The following SORCS2 variants were observed in gnomAD, a reference collection of about 807,000 sequenced individuals.
SORCS2 encodes the protein sortilin related VPS10 domain containing receptor 2, also known as VPS10 domain-containing receptor SorCS2.
A neutral mutation model predicts 141.6 loss-of-function variants in SORCS2; 100 were observed. The ratio of observed to expected loss-of-function variants is 0.71; its 90% CI spans 0.60 to 0.83. The LOEUF (loss-of-function observed/expected upper bound fraction) is 0.83. SORCS2 is among the 40% of genes least tolerant of loss of function. The pLI is 0.00. For missense variants in SORCS2, 1,646 were observed against 1,560.2 expected (o/e 1.05, Z -0.93); for synonymous variants, 789 against 676.9 (o/e 1.17, Z -2.57).
chr4:7,195,714 C>G (rs1232848383), intron 1 of SORCS2, among the ~76,000 whole-genome samples: 1 of 152,242 alleles, frequency 6.6e-6, no homozygotes, highest in Non-Finnish European at 1.5e-5. Context: ...GAAATGTACT[C>G]TGCTCCCTCT....
At chr4:7,621,965 G>A (rs1171243289) in intron 3 of SORCS2, among the ~76,000 whole-genome samples, 1 of 152,190 alleles carries the variant, frequency 6.6e-6, no homozygotes, top group African/African-American at 2.4e-5. Flanking sequence ...TGTGACAACA[G>A]CGCTGTGAGT....
At chr4:7,619,453 T>TA (rs1464733562) in intron 3 of SORCS2, among the ~76,000 whole-genome samples, 7 of 152,124 alleles carry the variant, frequency 4.6e-5, no homozygotes, top group African/African-American at 1.7e-4. Flanking sequence ...TTCTGGCCAG[T>TA]AAAACCTCAC....
chr4:7,658,693 C>T (rs1721958002), intron 5 of SORCS2, among the ~76,000 whole-genome samples: 1 of 152,190 alleles, frequency 6.6e-6, no homozygotes, highest in Non-Finnish European at 1.5e-5. Context: ...GCCACTCAAA[C>T]CCATTTATGG....
intron 8 of SORCS2, among the ~76,000 whole-genome samples, chr4:7,670,537 G>C (rs1304226692): frequency 6.6e-6 from 1 of 152,144 alleles, no homozygotes; most frequent in African/African-American, 2.4e-5. Context: ...GTGACATCAG[G>C]ATCAGGTAAG....
intron 3 of SORCS2, among the ~76,000 whole-genome samples, chr4:7,545,999 G>A (rs575083342): frequency 1.3e-5 from 2 of 152,282 alleles, no homozygotes; most frequent in South Asian, 2.1e-4. Context: ...GGCAGAAAAA[G>A]AGCTAGCCAG....
intron 1 of SORCS2, among the ~76,000 whole-genome samples, chr4:7,382,465 C>G (rs921931445): frequency 6.6e-6 from 1 of 152,086 alleles, no homozygotes; most frequent in Non-Finnish European, 1.5e-5. Flanking sequence ...ACCAGATCCC[C>G]GAGTTGAGTT....
chr4:7,693,457 A>C (rs1724387079), intron 11 of SORCS2, among the ~76,000 whole-genome samples: 1 of 152,164 alleles, frequency 6.6e-6, no homozygotes, highest in South Asian at 2.1e-4. Context: ...CAAAGAGTGC[A>C]GAGTGTGTGC....
At chr4:7,326,462 C>T (rs1719266510) in intron 1 of SORCS2, among the ~76,000 whole-genome samples, 1 of 152,096 alleles carries the variant, frequency 6.6e-6, no homozygotes, top group African/African-American at 2.4e-5. Context: ...GTGGATCTGC[C>T]TTCCCCTCCC....
intron 2 of SORCS2, among the ~76,000 whole-genome samples, chr4:7,519,554 G>A (rs1003618475): frequency 9.2e-5 from 14 of 152,184 alleles, no homozygotes; most frequent in African/African-American, 2.9e-4. Context: ...AGCACGTGGC[G>A]GCCACGGTGA....
chr4:7,428,828 G>A (rs1188720821), intron 2 of SORCS2, among the ~76,000 whole-genome samples: 5 of 152,074 alleles, frequency 3.3e-5, no homozygotes, highest in African/African-American at 4.8e-5. Context: ...GAGCTGGCCC[G>A]GACTTAGATT....
At chr4:7,455,994 C>A (rs1333507456) in intron 2 of SORCS2, among the ~76,000 whole-genome samples, 1 of 152,168 alleles carries the variant, frequency 6.6e-6, no homozygotes, top group Non-Finnish European at 1.5e-5. Flanking sequence ...GTTCTGGAGG[C>A]TGAAAGCTTG....
chr4:7,550,745 A>T (rs2109631256), intron 3 of SORCS2, among the ~76,000 whole-genome samples: 1 of 152,344 alleles, frequency 6.6e-6, no homozygotes, highest in South Asian at 2.1e-4. Flanking sequence ...GGGAGAGGTT[A>T]TCCTTCACGA....
At chr4:7,708,586 T>A (rs919715789) in intron 14 of SORCS2, among the ~76,000 whole-genome samples, 1 of 152,128 alleles carries the variant, frequency 6.6e-6, no homozygotes. Flanking sequence ...CCTCCCACAG[T>A]CTGGGGGGCG....
intron 1 of SORCS2, among the ~76,000 whole-genome samples, chr4:7,371,418 G>A (rs1435666708): frequency 6.6e-6 from 1 of 152,142 alleles, no homozygotes; most frequent in Non-Finnish European, 1.5e-5. Flanking sequence ...CTCTTCAGAG[G>A]GATTATAAAT....
chr4:7,545,108 A>G (rs1713146389), intron 3 of SORCS2, among the ~76,000 whole-genome samples: 1 of 150,706 alleles, frequency 6.6e-6, no homozygotes, highest in Non-Finnish European at 1.5e-5. Context: ...ATTCCCTCTT[A>G]AAGTCAATAG....
intron 1 of SORCS2, among the ~76,000 whole-genome samples, chr4:7,295,224 C>G (rs1365905866): frequency 8.4e-6 from 1 of 119,602 alleles, no homozygotes; most frequent in Non-Finnish European, 1.8e-5. Context: ...CTCTCTCTCT[C>G]CTCCTTCCCC....
intron 3 of SORCS2, among the ~76,000 whole-genome samples, chr4:7,551,017 C>A (rs1277591633): frequency 1.3e-5 from 2 of 152,202 alleles, no homozygotes; most frequent in African/African-American, 2.4e-5. Flanking sequence ...GGTGCAGTGA[C>A]CGCTAGTGCC....
At position 7,380,992 on chromosome 4, in the gene SORCS2, G is replaced by C. The variant is rs1722956181; in HGVS notation, c.481-15296G>C. ...AGCTACTCGGGAGGCTGAGGCAGGA[G>C]AATCGCTTGAACCCGGGAGGCAGAG... On this transcript the variant is annotated intron_variant, in intron 1 of 26. Transcript: ENST00000507866. 2.0e-5 allele frequency among the ~76,000 whole-genome samples: 3 copies of C among 150,444 alleles called. No individual in the cohort carries two copies. The South Asian group carries it at 6.3e-4, about 31-fold the overall frequency.
At chr4:7,739,123 G>A (rs569306628) in intron 26 of SORCS2, among the ~76,000 whole-genome samples, 1 of 152,314 alleles carries the variant, frequency 6.6e-6, no homozygotes, top group South Asian at 2.1e-4. Flanking sequence ...AAAGCTGAGG[G>A]TCAGAGCTGT....
Sources: gnomAD v4.1 joint callset for allele counts (sites outside exome capture counted in the v4.1 genomes callset) on GRCh38, gnomAD v4.1.1 for gene constraint, MANE v1.5 for transcripts, NCBI Gene and HGNC (gene_info 2026-07-23, HGNC 2026-07-21) for gene names.